The following SNAP25 variants were observed in gnomAD, a reference collection of about 807,000 sequenced individuals.
SNAP25 encodes synaptosomal-associated protein 25.
A neutral mutation model predicts 28.7 loss-of-function variants in SNAP25; 3 were observed. The ratio of observed to expected loss-of-function variants is 0.10; its 90% CI spans 0.05 to 0.27. SNAP25 has a LOEUF of 0.27. Ranked by LOEUF, SNAP25 falls within the 10% of genes least tolerant of loss-of-function variation. The pLI is 1.00. For missense variants in SNAP25, 117 were observed against 278.7 expected, an observed-to-expected ratio of 0.42 and a Z score of 4.13; for synonymous variants, 61 against 88.1, an observed-to-expected ratio of 0.69 and a Z score of 1.72.
At chr20:10,286,920 T>A (rs932105521) in intron 4 of SNAP25, among the ~76,000 whole-genome samples, 1 of 152,162 alleles carries the variant, frequency 6.6e-6, no homozygotes, top group Non-Finnish European at 1.5e-5. Context: ...ACGTGACTTG[T>A]TGGCTGGATC....
At chr20:10,291,435 C>A (rs2063996097) in intron 4 of SNAP25, among the ~76,000 whole-genome samples, 1 of 152,060 alleles carries the variant, frequency 6.6e-6, no homozygotes, top group South Asian at 2.1e-4. Context: ...GGCAAAAGTT[C>A]TCCTGCACTA....
intron 1 of SNAP25, chr20:10,231,698 G>A (rs534889901): frequency 1.8e-4 from 27 of 152,230 alleles, no homozygotes; most frequent in South Asian, 1.2e-3. Flanking sequence ...TGTACAGATT[G>A]TACCCAAACC....
At chr20:10,269,663 ATAG>A (rs2063558960) in intron 1 of SNAP25, among the ~76,000 whole-genome samples, 1 of 152,194 alleles carries the variant, frequency 6.6e-6, no homozygotes. Context: ...TTGGGGGCAT[ATAG>A]TCTTTCCACT....
intron 1 of SNAP25, among the ~76,000 whole-genome samples, chr20:10,267,700 C>T (rs185169525): frequency 7.4e-4 from 112 of 152,230 alleles, no homozygotes; most frequent in African/African-American, 2.0e-3. Flanking sequence ...TACAGGCACA[C>T]GCCACCACAC....
intron 1 of SNAP25, among the ~76,000 whole-genome samples, chr20:10,266,131 C>T (rs2063502506): frequency 6.6e-6 from 1 of 152,190 alleles, no homozygotes; most frequent in Non-Finnish European, 1.5e-5. Flanking sequence ...TTTTGCCTAA[C>T]AGGGAAAGGC....
At chr20:10,301,838 T>TTA (rs1279604293) in intron 7 of SNAP25, among the ~76,000 whole-genome samples, 1 of 147,048 alleles carries the variant, frequency 6.8e-6, no homozygotes, top group Admixed American at 6.8e-5. Context: ...AATAATAACC[T>TTA]TATATATATA....
intron 1 of SNAP25, among the ~76,000 whole-genome samples, chr20:10,226,085 G>T (rs949207281): frequency 2.0e-5 from 3 of 152,086 alleles, no homozygotes; most frequent in East Asian, 1.9e-4. Flanking sequence ...CAGTTTCAAA[G>T]AATAATAACT....
chr20:10,263,862 C>G (rs1012851463), intron 1 of SNAP25, among the ~76,000 whole-genome samples: 14 of 152,240 alleles, frequency 9.2e-5, no homozygotes, highest in Non-Finnish European at 1.8e-4. Context: ...ATGAATGAAC[C>G]TGTTACCGTG....
intron 1 of SNAP25, among the ~76,000 whole-genome samples, chr20:10,233,176 T>C (rs2062855914): frequency 6.6e-6 from 1 of 152,150 alleles, no homozygotes; most frequent in South Asian, 2.1e-4. Flanking sequence ...ATCATGACCA[T>C]ATTATGTGCA....
At chr20:10,297,212 G>T (rs532138069) in intron 6 of SNAP25, among the ~76,000 whole-genome samples, 162 bp downstream of exon 6, 27 of 152,286 alleles carry the variant, frequency 1.8e-4, no homozygotes, top group African/African-American at 6.0e-4. Context: ...CCTGGGTGGG[G>T]TGATCCAAGA....
At chr20:10,231,084 C>G (rs963813955) in intron 1 of SNAP25, among the ~76,000 whole-genome samples, 4 of 152,040 alleles carry the variant, frequency 2.6e-5, no homozygotes, top group Non-Finnish European at 5.9e-5. Flanking sequence ...AAAAGTGTCC[C>G]CAGTGCAAAG....
chr20:10,284,834 A>T, intron 4 of SNAP25, 62 bp downstream of exon 4: 1 of 1,340,498 alleles, frequency 7.5e-7, no homozygotes, highest in South Asian at 1.2e-5. Context: ...TTTTAAAATT[A>T]TTTGTGCATA....
chr20:10,260,281 C>A (rs1369305527), intron 1 of SNAP25, among the ~76,000 whole-genome samples: 1 of 152,034 alleles, frequency 6.6e-6, no homozygotes, highest in Non-Finnish European at 1.5e-5. Flanking sequence ...ATGGATTCTT[C>A]CCTCACCAAA....
intron 1 of SNAP25, among the ~76,000 whole-genome samples, chr20:10,223,868 G>T (rs2062680489): frequency 6.6e-6 from 1 of 152,086 alleles, no homozygotes. Flanking sequence ...AATAAATAGT[G>T]CAACCCACAG....
At chr20:10,248,615 G>T (rs1460346762) in intron 1 of SNAP25, among the ~76,000 whole-genome samples, 1 of 152,066 alleles carries the variant, frequency 6.6e-6, no homozygotes, top group Non-Finnish European at 1.5e-5. Flanking sequence ...GATCATTTTT[G>T]AGATGAGGAA....
intron 3 of SNAP25, among the ~76,000 whole-genome samples, chr20:10,284,095 C>A (rs6039808): frequency 6.6e-6 from 1 of 152,204 alleles, no homozygotes; most frequent in African/African-American, 2.4e-5. Context: ...ATTAAGAGCC[C>A]TTATTTCTCA....
At chr20:10,264,192 A>G (rs918566709) in intron 1 of SNAP25, among the ~76,000 whole-genome samples, 1 of 152,072 alleles carries the variant, frequency 6.6e-6, no homozygotes, top group East Asian at 1.9e-4. Flanking sequence ...AAACCCAAGC[A>G]GAGGCCGCTT....
At chr20:10,296,859 G>A in intron 5 of SNAP25, 66 bp from the exon 6 acceptor site, 2 of 1,605,768 alleles carry the variant, frequency 1.2e-6, no homozygotes, top group Non-Finnish European at 1.7e-6. Context: ...GCTTGAAGAA[G>A]TGACAATTGT....
chr20:10,232,565 C>T (rs193224622), intron 1 of SNAP25, among the ~76,000 whole-genome samples: 2 of 152,338 alleles, frequency 1.3e-5, no homozygotes, highest in Non-Finnish European at 2.9e-5. Flanking sequence ...CCTTTCTGTG[C>T]TCACACTAGC....
Sources: gnomAD v4.1 joint callset for allele counts (sites outside exome capture counted in the v4.1 genomes callset) on GRCh38, gnomAD v4.1.1 for gene constraint, MANE v1.5 for transcripts, NCBI Gene and HGNC (gene_info 2026-07-23, HGNC 2026-07-21) for gene names.